The following TFEC variants were observed in gnomAD, a reference collection of about 807,000 sequenced individuals.
TFEC encodes class E basic helix-loop-helix protein 34.
TFEC carries 31 observed loss-of-function variants against 41.6 expected under a neutral mutation model. The observed-to-expected ratio is 0.74, with a 90% CI of 0.56 to 1.01. The LOEUF (loss-of-function observed/expected upper bound fraction) is 1.01, where lower values mean the gene tolerates loss of function less well. Among genes scored for constraint, TFEC ranks in the 50% least tolerant of loss-of-function variants. The pLI is 0.00. For synonymous variants in TFEC, 143 were observed against 140.6 expected, an observed-to-expected ratio of 1.02 and a Z score of -0.12; for missense variants, 402 against 404.1, an observed-to-expected ratio of 0.99 and a Z score of 0.04.
chr7:116,022,860 TC>T (rs1170113050), intron 1 of TFEC, among the ~76,000 whole-genome samples: 1 of 152,148 alleles, frequency 6.6e-6, no homozygotes, highest in Non-Finnish European at 1.5e-5. Flanking sequence ...CGTTTTACCC[TC>T]CCTTTCTCAT....
chr7:115,942,439 A>G (rs993855017), intron 6 of TFEC, among the ~76,000 whole-genome samples: 8 of 152,016 alleles, frequency 5.3e-5, no homozygotes, highest in African/African-American at 1.4e-4. Flanking sequence ...ATTTTTTAAG[A>G]TCATTTCAAA....
At chr7:116,054,339 G>C (rs1796380545) in intron 3 of TFEC, among the ~76,000 whole-genome samples, 1 of 152,064 alleles carries the variant, frequency 6.6e-6, no homozygotes, top group Non-Finnish European at 1.5e-5. Flanking sequence ...TAAAGGAAGT[G>C]TATATATTTG....
chr7:116,072,290 T>C (rs1404581688), intron 3 of TFEC, among the ~76,000 whole-genome samples: 1 of 151,636 alleles, frequency 6.6e-6, no homozygotes, highest in Non-Finnish European at 1.5e-5. Flanking sequence ...CTTTTTATTT[T>C]TGAATATTAA....
intron 3 of TFEC, among the ~76,000 whole-genome samples, chr7:116,042,040 G>A (rs748492244): frequency 2.0e-5 from 3 of 151,236 alleles, no homozygotes; most frequent in Non-Finnish European, 4.4e-5. Flanking sequence ...TGGTGGAAGT[G>A]GTGCCTAGTA....
At chr7:115,993,053 C>T (rs1157197850) in intron 1 of TFEC, among the ~76,000 whole-genome samples, 4 of 152,064 alleles carry the variant, frequency 2.6e-5, no homozygotes, top group East Asian at 1.9e-4. Context: ...GTTCAACATA[C>T]GCAAAAATCA....
At chr7:116,088,308 T>C (rs1797247171) in intron 3 of TFEC, among the ~76,000 whole-genome samples, 1 of 152,138 alleles carries the variant, frequency 6.6e-6, no homozygotes, top group South Asian at 2.1e-4. Context: ...AATTCTCTTT[T>C]CATTGTCTTT....
At chr7:115,996,947 T>G (rs974144210) in intron 1 of TFEC, among the ~76,000 whole-genome samples, 8 of 152,030 alleles carry the variant, frequency 5.3e-5, no homozygotes, top group Non-Finnish European at 8.8e-5. Flanking sequence ...TTCCTAAGGT[T>G]TTTAAATACA....
At chr7:116,016,676 C>T (rs562640711) in intron 1 of TFEC, among the ~76,000 whole-genome samples, 64 of 151,572 alleles carry the variant, frequency 4.2e-4, no homozygotes, top group African/African-American at 1.3e-3. Flanking sequence ...GGCCCAGCTA[C>T]GTAGTATATA....
chr7:115,945,626 T>A (rs1397811449), intron 6 of TFEC, among the ~76,000 whole-genome samples: 1 of 151,776 alleles, frequency 6.6e-6, no homozygotes, highest in Non-Finnish European at 1.5e-5. Context: ...AACATCTAAT[T>A]AATGTGTTTT....
intron 1 of TFEC, among the ~76,000 whole-genome samples, chr7:116,008,973 C>G (rs931003427): frequency 2.6e-5 from 4 of 152,082 alleles, no homozygotes; most frequent in African/African-American, 9.7e-5. Flanking sequence ...GAGAAAAGAT[C>G]CACACTTAAA....
chr7:116,003,963 A>G (rs1296798367), intron 1 of TFEC, among the ~76,000 whole-genome samples: 1 of 152,160 alleles, frequency 6.6e-6, no homozygotes, highest in African/African-American at 2.4e-5. Context: ...ACATTCTAAA[A>G]TTTGTGAGCT....
rs536359606 is a variant in TFEC at position 116,134,236 on chromosome 7, A to G, written c.-68-22198T>C. On this transcript the variant is annotated intron_variant, in intron 1 of 8. Transcript: ENST00000484212. Reference sequence around the variant, plus strand: ...GTAAGTTCAGAAACTTTTAGATTAAATAGTTGAAAAGCTGTGAAACTAGAA... The same window carrying G: ...GTAAGTTCAGAAACTTTTAGATTAAGTAGTTGAAAAGCTGTGAAACTAGAA... 1.3e-3 allele frequency among the ~76,000 whole-genome samples: 203 copies of G among 152,340 alleles called. 1 individual carries two copies. The highest frequency in any genetic ancestry group is 4.3e-3 in the Admixed American group (66 of 15,298).
rs528523133 is a variant in TFEC at position 115,974,076 on chromosome 7, G to A, written c.267+94C>T. The A allele has an allele frequency of 1.2e-5, 11 of 939,790 alleles. No homozygotes were observed. The African/African-American group carries it at 1.6e-4, about 13-fold the overall frequency. 58.2% of individuals were successfully genotyped at this position (939,790 alleles called of 1,614,324 possible). A position where few individuals can be genotyped will look rare whatever the true frequency, so the allele number is the denominator to read the frequency against. Reference sequence around the variant, plus strand: ...CTTTTATCTTGTCTGTTTAAAAAGTGCAGAAAAAAGCACCAGTTGCTAATC... The same window carrying A: ...CTTTTATCTTGTCTGTTTAAAAAGTACAGAAAAAAGCACCAGTTGCTAATC... On this transcript the variant is annotated intron_variant, in intron 3 of 7. Coordinates refer to ENST00000265440, the MANE Select transcript of TFEC (RefSeq NM_012252.4).
At chr7:116,026,852 T>C (rs1795603022) in intron 1 of TFEC, among the ~76,000 whole-genome samples, 2 of 152,172 alleles carry the variant, frequency 1.3e-5, no homozygotes, top group South Asian at 2.1e-4. Context: ...AAAATTGCCT[T>C]GCACATGTGA....
In TFEC at chr7:115,937,331, A is replaced by T. The variant is rs189422537; in HGVS notation, c.*3220T>A. ...CATTACAGTTGATGCTTTTTGTGAC[A>T]GCATTGTTTGATAAACATATGCCTC... On this transcript the variant is annotated 3_prime_UTR_variant, in exon 8 of 8. Coordinates refer to ENST00000265440, the MANE Select transcript of TFEC (RefSeq NM_012252.4). 1 of 151,874 alleles carries T rather than the reference A, an allele frequency of 6.6e-6. No individual in the cohort carries two copies. Among genetic ancestry groups the T allele is most frequent in the African/African-American group, 2.4e-5 (1 of 41,532 alleles). 9.4% of individuals were successfully genotyped at this position (151,874 alleles called of 1,614,324 possible).
At chr7:115,992,559 T>C (rs1794170552) in intron 1 of TFEC, among the ~76,000 whole-genome samples, 1 of 152,104 alleles carries the variant, frequency 6.6e-6, no homozygotes, top group Admixed American at 6.5e-5. Flanking sequence ...CAAACTACCA[T>C]CAGAGAATAC....
chr7:116,093,213 G>A (rs6945747), intron 3 of TFEC, among the ~76,000 whole-genome samples: 19,111 of 152,004 alleles, frequency 0.13, 1,514 homozygotes, highest in African/African-American at 0.22. Flanking sequence ...GGTAAGACAC[G>A]TGAACTCTGC....
intron 6 of TFEC, among the ~76,000 whole-genome samples, chr7:115,947,751 A>G (rs1196251234): frequency 8.8e-6 from 1 of 113,400 alleles, no homozygotes; most frequent in African/African-American, 3.4e-5. Context: ...TCGTTCACCC[A>G]CTTTTTGATG....
chr7:116,089,473 A>G (rs1461440661), intron 3 of TFEC, among the ~76,000 whole-genome samples: 1 of 152,178 alleles, frequency 6.6e-6, no homozygotes, highest in Admixed American at 6.6e-5. Flanking sequence ...GGCCGGAACA[A>G]GAGGTTTACC....
Sources: gnomAD v4.1 joint callset for allele counts (sites outside exome capture counted in the v4.1 genomes callset) on GRCh38, gnomAD v4.1.1 for gene constraint, MANE v1.5 for transcripts, NCBI Gene and HGNC (gene_info 2026-07-23, HGNC 2026-07-21) for gene names.